The following KCNH1 variants were observed in gnomAD, a reference collection of about 807,000 sequenced individuals.
The protein encoded by KCNH1 is voltage-gated delayed rectifier potassium channel KCNH1.
KCNH1 carries 27 observed loss-of-function variants against 69.2 expected under a neutral mutation model. The observed-to-expected ratio is 0.39, with a 90% CI of 0.29 to 0.54. The LOEUF (loss-of-function observed/expected upper bound fraction) is 0.54. Among genes scored for constraint, KCNH1 ranks in the 20% least tolerant of loss-of-function variants. KCNH1 has a pLI of 0.68. For synonymous variants in KCNH1, 456 were observed against 487.7 expected (o/e 0.93, Z 0.86); for missense variants, 798 against 1,261.6 (o/e 0.63, Z 5.57).
At chr1:210,966,002 A>G (rs1466555746) in intron 6 of KCNH1, among the ~76,000 whole-genome samples, 1 of 152,202 alleles carries the variant, frequency 6.6e-6, no homozygotes. Context: ...GGCTACAGTA[A>G]CCAAAACAGC....
Position 210,775,478 on chromosome 1 carries a change from A to G in KCNH1, c.1982T>C (p.Val661Ala). The G allele has an allele frequency of 6.2e-7, 1 of 1,614,118 alleles. No homozygotes were observed. Among genetic ancestry groups the G allele is most frequent in the Non-Finnish European group, 8.5e-7 (1 of 1,179,974 alleles). The change falls in exon 10 of 11, where the codon GTT becomes GCT. Residue 661 changes from valine (V) to alanine (A), a missense_variant. Transcript: ENST00000271751. ...CAGATCACAGTAGGTCAAGGCCCTA[A>G]CATTGGCACAGGACTGGGCAAGGGT... is the stretch of plus-strand genomic sequence containing the variant. ...EATLAQSCANVRALTYCDLHV... is the reference protein window; with the variant it reads ...EATLAQSCANARALTYCDLHV...
At chr1:210,702,432 T>TAA (rs1681804302) in intron 10 of KCNH1, among the ~76,000 whole-genome samples, 1 of 152,246 alleles carries the variant, frequency 6.6e-6, no homozygotes, top group South Asian at 2.1e-4. Flanking sequence ...TTATCTTCTA[T>TAA]AAGATTTCTT....
At chr1:210,727,920 G>C (rs920398564) in intron 10 of KCNH1, among the ~76,000 whole-genome samples, 5 of 152,200 alleles carry the variant, frequency 3.3e-5, no homozygotes, top group Admixed American at 2.0e-4. Flanking sequence ...AAAAGAGACT[G>C]ATCTAAACTA....
At chr1:211,109,163 C>A (rs1442688985) in intron 1 of KCNH1, among the ~76,000 whole-genome samples, 1 of 152,172 alleles carries the variant, frequency 6.6e-6, no homozygotes, top group Non-Finnish European at 1.5e-5. Flanking sequence ...AATATGGTCA[C>A]TGTCTTCATG....
At chr1:210,971,507 G>A (rs1233696636) in intron 6 of KCNH1, among the ~76,000 whole-genome samples, 6 of 152,004 alleles carry the variant, frequency 3.9e-5, no homozygotes, top group African/African-American at 1.4e-4. Context: ...AAATACTCAA[G>A]GCACATTACC....
intron 6 of KCNH1, among the ~76,000 whole-genome samples, chr1:210,965,531 G>C (rs560460670): frequency 6.6e-6 from 1 of 152,012 alleles, no homozygotes; most frequent in Non-Finnish European, 1.5e-5. Context: ...TCAGCAAAAA[G>C]AACAAAGCTG....
chr1:210,813,858 C>T (rs897481182), intron 7 of KCNH1, among the ~76,000 whole-genome samples: 2 of 152,040 alleles, frequency 1.3e-5, no homozygotes, highest in Non-Finnish European at 2.9e-5. Context: ...GTCTTTCCCA[C>T]GTTGTTCTTG....
chr1:210,805,943 A>G (rs965434138), intron 7 of KCNH1, among the ~76,000 whole-genome samples: 1 of 152,098 alleles, frequency 6.6e-6, no homozygotes, highest in African/African-American at 2.4e-5. Flanking sequence ...ACACTACTCT[A>G]TTGTGTGGAT....
intron 9 of KCNH1, among the ~76,000 whole-genome samples, chr1:210,794,121 A>C (rs759343650): frequency 6.6e-6 from 1 of 152,232 alleles, no homozygotes; most frequent in Non-Finnish European, 1.5e-5. Flanking sequence ...ACCAAAAGAT[A>C]TGCTAATTAT....
Position 211,003,896 on chromosome 1 carries a change from A to T in KCNH1, c.1032+14887T>A, listed in dbSNP as rs1044962004. 5.9e-5 allele frequency among the ~76,000 whole-genome samples: 9 copies of T among 152,304 alleles called. No homozygotes were observed. In the South Asian group the frequency reaches 1.7e-3, roughly 28 times the overall value. ...ATCACGAGGTCAGGAGATGGAGACC[A>T]TCCTGGCTAACACAGTGAAACCCCG... is the stretch of plus-strand genomic sequence containing the variant. On this transcript the variant is annotated intron_variant, in intron 6 of 10. Coordinates refer to ENST00000271751, the MANE Select transcript of KCNH1 (RefSeq NM_172362.3).
chr1:210,699,368 C>T (rs1411623686), intron 10 of KCNH1, among the ~76,000 whole-genome samples: 3 of 152,192 alleles, frequency 2.0e-5, no homozygotes, highest in Non-Finnish European at 4.4e-5. Flanking sequence ...ACAGCATGGA[C>T]ACAGACCTGT....
chr1:210,942,168 G>A (rs1330349134), intron 6 of KCNH1, among the ~76,000 whole-genome samples: 3 of 152,158 alleles, frequency 2.0e-5, no homozygotes, highest in African/African-American at 7.2e-5. Context: ...ATTCTGTGTG[G>A]ATTAAAATAA....
At chr1:211,018,025 A>G (rs531084266) in intron 6 of KCNH1, among the ~76,000 whole-genome samples, 37 of 152,202 alleles carry the variant, frequency 2.4e-4, no homozygotes, top group African/African-American at 8.9e-4. Flanking sequence ...TTGTTACAAA[A>G]AGCCTGGCAC....
At chr1:211,078,917 C>CAAAAAAAAAAAAAAAAAAAAAAAAAA (rs769981174) in intron 5 of KCNH1, among the ~76,000 whole-genome samples, 2 of 83,042 alleles carry the variant, frequency 2.4e-5, no homozygotes, top group African/African-American at 4.9e-5. Flanking sequence ...GACTCCGTCT[C>CAAAAAAAAAAAAAAAAAAAAAAAAAA]AAAAAAAAAA....
chr1:210,876,834 A>C (rs1464352060), intron 7 of KCNH1, among the ~76,000 whole-genome samples: 1 of 152,102 alleles, frequency 6.6e-6, no homozygotes, highest in Non-Finnish European at 1.5e-5. Context: ...TAGCGTCACT[A>C]AGTGCCAATA....
At chr1:210,697,999 C>T (rs17260690) in intron 10 of KCNH1, among the ~76,000 whole-genome samples, 1 of 152,242 alleles carries the variant, frequency 6.6e-6, no homozygotes, top group African/African-American at 2.4e-5. Flanking sequence ...ATATGGATAG[C>T]CAGTTTGTGG....
intron 7 of KCNH1, among the ~76,000 whole-genome samples, chr1:210,821,416 T>A (rs1489330023): frequency 6.6e-6 from 1 of 152,232 alleles, no homozygotes; most frequent in Non-Finnish European, 1.5e-5. Context: ...TCACTTGGGA[T>A]GCCCCTGATC....
At chr1:210,749,678 C>A (rs543837613) in intron 10 of KCNH1, among the ~76,000 whole-genome samples, 5 of 151,654 alleles carry the variant, frequency 3.3e-5, no homozygotes, top group Non-Finnish European at 7.4e-5. Context: ...GGCAACTTCC[C>A]TTGGCCACCT....
intron 10 of KCNH1, among the ~76,000 whole-genome samples, chr1:210,750,412 A>G (rs1280272915): frequency 6.6e-6 from 1 of 152,164 alleles, no homozygotes; most frequent in East Asian, 1.9e-4. Context: ...ACTCAGCTGC[A>G]TCGAAAACAT....
Sources: gnomAD v4.1 joint callset for allele counts (sites outside exome capture counted in the v4.1 genomes callset) on GRCh38, gnomAD v4.1.1 for gene constraint, MANE v1.5 for transcripts, NCBI Gene and HGNC (gene_info 2026-07-23, HGNC 2026-07-21) for gene names.